Variants in MAP7D2 observed in about 807,000 individuals in gnomAD.
MAP7D2 encodes MAP7 domain containing 2, also known as MAP7 domain-containing protein 2.
MAP7D2 carries 33 observed loss-of-function variants against 63.5 expected under a neutral mutation model. The ratio of observed to expected loss-of-function variants is 0.52; its 90% CI spans 0.39 to 0.70. MAP7D2 has a LOEUF of 0.70. MAP7D2 is among the 30% of genes least tolerant of loss of function. The probability of loss-of-function intolerance (pLI) is 0.00; values close to 1 mark genes in which losing one functional copy is unlikely to be tolerated. For synonymous variants in MAP7D2, 224 were observed against 223.7 expected (o/e 1.00, Z -0.01); for missense variants, 626 against 604.0 (o/e 1.04, Z -0.38).
At chrX:20,115,602 T>C (rs773997059) in intron 1 of MAP7D2, among the ~76,000 whole-genome samples, 1 of 111,420 alleles carries the variant, frequency 9.0e-6, no homozygotes, top group South Asian at 3.7e-4. Context: ...AATAGCATAA[T>C]GAAAAATACA....
chrX:20,068,443 T>G (rs182747303), intron 1 of MAP7D2, among the ~76,000 whole-genome samples: 1 of 112,296 alleles, frequency 8.9e-6, no homozygotes, highest in Non-Finnish European at 1.9e-5. Context: ...CAGCATCTGC[T>G]TCTTCTGCTT....
intron 10 of MAP7D2, among the ~76,000 whole-genome samples, chrX:20,016,772 C>T (rs1004165852): frequency 8.9e-6 from 1 of 112,079 alleles, no homozygotes; most frequent in Non-Finnish European, 1.9e-5. Context: ...AGAGCAGTGA[C>T]TACGAACTCA....
In MAP7D2 at chrX:20,015,237, G is replaced by A. The variant is rs748447793; in HGVS notation, c.1735C>T (p.Leu579=). 5.0e-6 allele frequency: 6 copies of A among 1,205,644 alleles called. No individual in the cohort carries two copies. Among genetic ancestry groups the A allele is most frequent in the Non-Finnish European group, 6.7e-6 (6 of 891,864 alleles). Residue 579 remains leucine, a synonymous_variant, in exon 12 of 17, where the codon CTG becomes TTG. Transcript: ENST00000379643. Reference sequence around the variant, plus strand: ...TCAGCCCTTACCTTCTTTCTCTCCAGTCTCTCCTGCTCAATCTGCAGCATA... The same window carrying A: ...TCAGCCCTTACCTTCTTTCTCTCCAATCTCTCCTGCTCAATCTGCAGCATA... ...QIMLQIEQER[L]ERKKRIDEIM...
intron 8 of MAP7D2, among the ~76,000 whole-genome samples, chrX:20,029,460 G>C (rs1382094345): frequency 8.9e-6 from 1 of 112,368 alleles, no homozygotes; most frequent in Admixed American, 9.4e-5. Context: ...TGGCCTAGGT[G>C]GGGGAGGTTC....
intron 12 of MAP7D2, 82 bp downstream of exon 12, chrX:20,015,141 C>T: frequency 1.4e-6 from 1 of 693,869 alleles, no homozygotes; most frequent in East Asian, 3.2e-5. Flanking sequence ...ATCCTAGGAT[C>T]ATTCTATCCA....
At position 20,007,829 on chromosome X, in the gene MAP7D2, A is replaced by C. The variant is rs1169940504; in HGVS notation, c.*596T>G. 8.9e-6 allele frequency: 1 copy of C among 112,040 alleles called. No individual in the cohort carries two copies. Among genetic ancestry groups the C allele is most frequent in the Non-Finnish European group, 1.9e-5 (1 of 53,261 alleles). 9.2% of individuals were successfully genotyped at this position (112,040 alleles called of 1,213,427 possible). On this transcript the variant is annotated 3_prime_UTR_variant, in exon 17 of 17. Coordinates refer to ENST00000379643, the MANE Select transcript of MAP7D2 (RefSeq NM_001168465.2). ...AAACTTACTACTTTAACCCCAGAAGAATAATGTGGGGCAATGCATTTCTGC... is the reference window on the plus strand; with the variant it reads ...AAACTTACTACTTTAACCCCAGAAGCATAATGTGGGGCAATGCATTTCTGC...
At chrX:20,031,420 C>A (rs2074046820) in intron 8 of MAP7D2, among the ~76,000 whole-genome samples, 1 of 110,483 alleles carries the variant, frequency 9.1e-6, no homozygotes, top group African/African-American at 3.3e-5. Context: ...CAATTAAATG[C>A]AATGTGGGAC....
intron 10 of MAP7D2, among the ~76,000 whole-genome samples, chrX:20,021,988 C>A (rs1012717768): frequency 8.9e-6 from 1 of 112,183 alleles, no homozygotes; most frequent in South Asian, 3.7e-4. Context: ...ATGTCCCAGC[C>A]TTTTAAGGTG....
At chrX:20,075,256 C>T (rs2065614042) in intron 1 of MAP7D2, among the ~76,000 whole-genome samples, 1 of 111,786 alleles carries the variant, frequency 8.9e-6, no homozygotes, top group Non-Finnish European at 1.9e-5. Context: ...CTCTCTCCAC[C>T]AGAAAGAGAA....
intron 1 of MAP7D2, among the ~76,000 whole-genome samples, chrX:20,082,227 G>GA (rs1359748531): frequency 3.6e-5 from 4 of 111,520 alleles, no homozygotes; most frequent in South Asian, 3.7e-4. Flanking sequence ...AAGGGGCTAG[G>GA]AAAAAAAATC....
intron 8 of MAP7D2, among the ~76,000 whole-genome samples, chrX:20,038,636 T>A (rs1203037851): frequency 9.0e-6 from 1 of 111,377 alleles, no homozygotes. Context: ...TAGTGACCCA[T>A]TAGCAAAATT....
intron 1 of MAP7D2, among the ~76,000 whole-genome samples, chrX:20,101,344 G>A (rs1476109911): frequency 1.8e-5 from 2 of 112,138 alleles, no homozygotes; most frequent in Non-Finnish European, 3.8e-5. Context: ...TAGAATCTAC[G>A]AGGTGACATT....
chrX:20,088,317 G>C (rs1243888206), intron 1 of MAP7D2, among the ~76,000 whole-genome samples: 2 of 103,508 alleles, frequency 1.9e-5, no homozygotes, highest in African/African-American at 7.0e-5. Flanking sequence ...TTTTGAGACG[G>C]AGTCTCGCTC....
At chrX:20,093,727 T>G (rs752109117) in intron 1 of MAP7D2, among the ~76,000 whole-genome samples, 1 of 111,544 alleles carries the variant, frequency 9.0e-6, no homozygotes, top group Non-Finnish European at 1.9e-5. Context: ...CAAAAATCTA[T>G]AGAGACTGAG....
chrX:20,087,584 T>C (rs1292716246), intron 1 of MAP7D2, among the ~76,000 whole-genome samples: 3 of 111,994 alleles, frequency 2.7e-5, no homozygotes, highest in African/African-American at 9.7e-5. Context: ...ACAAACAGAC[T>C]AAAACAACAT....
intron 1 of MAP7D2, among the ~76,000 whole-genome samples, chrX:20,082,837 C>T (rs972144045): frequency 9.0e-6 from 1 of 111,577 alleles, no homozygotes; most frequent in African/African-American, 3.3e-5. Context: ...ATTATATTGA[C>T]CAGACTGGTC....
Position 20,025,884 on chromosome X carries a change from T to C in MAP7D2, c.1076A>G (p.Lys359Arg). The C allele has an allele frequency of 8.3e-7, 1 of 1,211,816 alleles. No individual in the cohort carries two copies. Among genetic ancestry groups the C allele is most frequent in the East Asian group, 3.0e-5 (1 of 33,844 alleles). ...TKPPYPGSPV[K>R]YRLPALSGQD... ...GCCAGAAAGGGCAGGTAAGCGGTAC[T>C]TCACAGGAGACCCTGGGTAGGGAGG... The change falls in exon 9 of 17, where the codon AAG (lysine) becomes AGG (arginine). Residue 359 changes from lysine (K) to arginine (R), a missense_variant. Physicochemically the swap from Lys to Arg is conservative, Grantham distance 26 (BLOSUM62 2). Coordinates refer to ENST00000379643, the MANE Select transcript of MAP7D2 (RefSeq NM_001168465.2).
chrX:20,027,069 A>G (rs972088534), intron 8 of MAP7D2, among the ~76,000 whole-genome samples: 3 of 112,257 alleles, frequency 2.7e-5, no homozygotes, highest in African/African-American at 9.7e-5. Context: ...AAGGGGAAAT[A>G]TGATCAGATC....
chrX:20,027,782 GAGAGAGAGAC>G (rs1310697190), intron 8 of MAP7D2, among the ~76,000 whole-genome samples: 45 of 106,708 alleles, frequency 4.2e-4, no homozygotes, highest in African/African-American at 1.6e-3. Flanking sequence ...GAGAGAGAGA[GAGAGAGAGAC>G]AGAGACAGAC....
Sources: gnomAD v4.1 joint callset for allele counts (sites outside exome capture counted in the v4.1 genomes callset) on GRCh38, gnomAD v4.1.1 for gene constraint, MANE v1.5 for transcripts, NCBI Gene and HGNC (gene_info 2026-07-23, HGNC 2026-07-21) for gene names.